CPSF4: variants seen among roughly 807,000 people sequenced by gnomAD.
CPSF4 encodes cleavage and polyadenylation specificity factor subunit 4.
A neutral mutation model predicts 37.7 loss-of-function variants in CPSF4; 11 were observed. The observed-to-expected ratio is 0.29, with a 90% confidence interval of 0.18 to 0.48. The LOEUF (loss-of-function observed/expected upper bound fraction) is 0.48, where lower values mean the gene tolerates loss of function less well. Among genes scored for constraint, CPSF4 ranks in the 20% least tolerant of loss-of-function variants. The probability of loss-of-function intolerance (pLI) is 0.99; values close to 1 mark genes in which losing one functional copy is unlikely to be tolerated. For missense variants in CPSF4, 144 were observed against 359.5 expected (o/e 0.40, Z 4.85); for synonymous variants, 132 against 135.9 (o/e 0.97, Z 0.20).
At chr7:99,440,182 ATCAC>A (rs1562852145) in intron 1 of CPSF4, among the ~76,000 whole-genome samples, 1 of 152,164 alleles carries the variant, frequency 6.6e-6, no homozygotes, top group African/African-American at 2.4e-5. Flanking sequence ...CTTGCTGACA[ATCAC>A]TCAGTGCATA....
Position 99,450,731 on chromosome 7 carries a change from A to C in CPSF4, c.433A>C (p.Arg145=). The C allele has an allele frequency of 1.2e-6, 2 of 1,614,160 alleles. No homozygotes were observed. Among genetic ancestry groups the C allele is most frequent in the East Asian group, 2.2e-5 (1 of 44,888 alleles). Residue 145 remains arginine, a synonymous_variant, in exon 5 of 8, where the codon AGA becomes CGA. Transcript: ENST00000292476. The stretch of plus-strand genomic sequence containing the variant: ...CCTCTGCAGGCACCGGCACACACGG[A>C]GAGTCATCTGTGTGAATTACCTCGT... ...GPLCRHRHTR[R]VICVNYLVGF...
At chr7:99,450,822 ACCCCAGCT>A in intron 5 of CPSF4, 27 bp downstream of exon 5, 1 of 1,554,638 alleles carries the variant, frequency 6.4e-7, no homozygotes. Flanking sequence ...TCCGCCCTCT[ACCCCAGCT>A]CCCGGCCCAG....
chr7:99,449,999 C>T (rs914168110), intron 3 of CPSF4, among the ~76,000 whole-genome samples: 16 of 152,094 alleles, frequency 1.1e-4, no homozygotes, highest in Admixed American at 5.2e-4. Flanking sequence ...CCCTGGGGTC[C>T]GCTGCTTTGG....
At chr7:99,452,016 G>A (rs766711329) in intron 5 of CPSF4, among the ~76,000 whole-genome samples, 95 of 152,336 alleles carry the variant, frequency 6.2e-4, no homozygotes, top group South Asian at 2.5e-3. Flanking sequence ...ACCCTGCGGG[G>A]AGGGGGGCTT....
rs56845845 is a variant in CPSF4, at chr7:99,445,023, G to A, written c.154+184G>A. Among the ~76,000 whole-genome samples, 491 of 152,302 alleles carry A rather than the reference G, an allele frequency of 3.2e-3. 3 individuals are homozygous for A. The highest frequency in any genetic ancestry group is 0.011 in the African/African-American group (449 of 41,562). On this transcript the variant is annotated intron_variant, in intron 2 of 7. Coordinates refer to ENST00000292476, the MANE Select transcript of CPSF4 (RefSeq NM_006693.4). ...GGGGTGTTCCACCTGAAACCTAAAC[G>A]CAGGACTGAACCTGGCTCTAAGGCT...
intron 1 of CPSF4, chr7:99,443,484 T>G (rs1018868182): frequency 1.2e-6 from 1 of 850,776 alleles, no homozygotes; most frequent in African/African-American, 1.6e-5. Flanking sequence ...AGCTCCACCA[T>G]CTCAGTTACC....
chr7:99,442,825 C>T (rs899278407), intron 1 of CPSF4: 2 of 899,396 alleles, frequency 2.2e-6, no homozygotes, highest in Non-Finnish European at 3.7e-6. Context: ...TATATGTGAC[C>T]AAGAAGAATG....
In CPSF4 at chr7:99,441,703, T is replaced by C. The variant is rs543502247; in HGVS notation, c.103+2518T>C. Among the ~76,000 whole-genome samples the C allele has an allele frequency of 5.9e-5, 9 of 152,156 alleles. No individual in the cohort carries two copies. The East Asian group carries it at 1.7e-3, about 29-fold the overall frequency. ...AGTACTTTCAGAATTTTTTTTTTCT[T>C]TTTTTTTGAGACAGAGTCTTGCTCT... On this transcript the variant is annotated intron_variant, in intron 1 of 7. Coordinates refer to ENST00000292476, the MANE Select transcript of CPSF4 (RefSeq NM_006693.4).
rs894711907 is a variant in CPSF4, at chr7:99,453,866, C to T, written c.571-100C>T. ...CCGTCGTGGAAGCCCTGCTTCCTGCCGTTTGCGGGACGAGTCCCGCCCTCT... is the reference window on the plus strand; with the variant it reads ...CCGTCGTGGAAGCCCTGCTTCCTGCTGTTTGCGGGACGAGTCCCGCCCTCT... On this transcript the variant is annotated intron_variant, in intron 6 of 7. Coordinates refer to ENST00000292476, the MANE Select transcript of CPSF4 (RefSeq NM_006693.4). The surrounding 1 kb of genome is among the most constrained non-coding windows in gnomAD (Gnocchi z 4.7). 3.0e-5 allele frequency: 34 copies of T among 1,141,802 alleles called. No individual in the cohort carries two copies. The highest frequency in any genetic ancestry group is 2.0e-4 in the African/African-American group (13 of 64,718). The allele number at this position is 1,141,802 out of a possible 1,614,324, so 70.7% of individuals were successfully genotyped here.
rs953764408 is a variant in CPSF4, at chr7:99,448,304, T to G, written c.307+31T>G. 1.2e-6 allele frequency: 2 copies of G among 1,612,364 alleles called. No individual in the cohort carries two copies. The highest frequency in any genetic ancestry group is 1.3e-5 in the African/African-American group (1 of 74,910). ...GCGCCTGGAGCCCTGGAGGCTCTGC[T>G]GAGAACCAGGGTGCAGAGGGGTCCG... On this transcript the variant is annotated intron_variant, in intron 3 of 7. Transcript: ENST00000292476. This position sits in a 1 kb window ranked among gnomAD's most constrained non-coding sequence, Gnocchi z 4.4.
chr7:99,442,423 G>A (rs541054070), intron 1 of CPSF4, among the ~76,000 whole-genome samples: 10 of 152,028 alleles, frequency 6.6e-5, no homozygotes, highest in African/African-American at 1.7e-4. Flanking sequence ...TTGGGAGGCC[G>A]AGGCGGGCGG....
intron 7 of CPSF4, among the ~76,000 whole-genome samples, chr7:99,456,132 A>G (rs1282790514): frequency 1.3e-5 from 2 of 152,224 alleles, no homozygotes; most frequent in Non-Finnish European, 2.9e-5. Flanking sequence ...CCATGTGTCC[A>G]GGTGGGAGAG....
In CPSF4 at chr7:99,456,661, T is replaced by C. The variant is rs1228172824; in HGVS notation, c.*161T>C. ...CCACGTCTGTTAGTTTCCTATCATT[T>C]TGCCTTAGTATTTTTTGAAAAAGGG... On this transcript the variant is annotated 3_prime_UTR_variant, in exon 8 of 8. Transcript: ENST00000292476. The C allele has an allele frequency of 1.4e-6, 1 of 707,424 alleles. No homozygotes were observed. Among genetic ancestry groups the C allele is most frequent in the East Asian group, 2.7e-5 (1 of 37,168 alleles). 43.8% of individuals were successfully genotyped at this position (707,424 alleles called of 1,614,324 possible).
At chr7:99,439,351 AGTCCCT>A (rs1257571824) in intron 1 of CPSF4, 166 bp downstream of exon 1, 1 of 540,044 alleles carries the variant, frequency 1.9e-6, no homozygotes, top group Non-Finnish European at 3.2e-6. Context: ...AGGTCTTGAG[AGTCCCT>A]CCCACCTCCT....
intron 2 of CPSF4, among the ~76,000 whole-genome samples, chr7:99,446,360 C>CA (rs1423465206): frequency 6.6e-6 from 1 of 152,196 alleles, no homozygotes; most frequent in Non-Finnish European, 1.5e-5. Flanking sequence ...ACAAAATTCT[C>CA]AGACACACTA....
At position 99,452,582 on chromosome 7, in the gene CPSF4, A is replaced by T. The variant is rs568320707; in HGVS notation, c.570+142A>T. The T allele has an allele frequency of 8.5e-4, 618 of 728,556 alleles. 2 individuals are homozygous for T. Among genetic ancestry groups the T allele is most frequent in the Non-Finnish European group, 1.3e-3 (546 of 425,462 alleles). The allele number at this position is 728,556 out of a possible 1,614,324, so 45.1% of individuals were successfully genotyped here. A position where few individuals can be genotyped will look rare whatever the true frequency, so the allele number is the denominator to read the frequency against. ...GGAGTCTCCCAAGTTCCCGAAGAAA[A>T]GTCAGGAGCAAAGCCGTGTATATCT... On this transcript the variant is annotated intron_variant, in intron 6 of 7. Transcript: ENST00000292476.
In CPSF4 at chr7:99,452,533, C is replaced by T. The variant is rs549449714; in HGVS notation, c.570+93C>T. 36 of 1,146,880 alleles carry T rather than the reference C, an allele frequency of 3.1e-5. No homozygotes were observed. The Middle Eastern group carries it at 6.4e-4, about 20-fold the overall frequency. 71.0% of individuals were successfully genotyped at this position (1,146,880 alleles called of 1,614,324 possible). On this transcript the variant is annotated intron_variant, in intron 6 of 7. Coordinates refer to ENST00000292476, the MANE Select transcript of CPSF4 (RefSeq NM_006693.4). ...CAGGGGTGTGGTCTGCCTTAGACCC[C>T]GCTGGACAACTTGGGAGAGGAGGGG...
intron 1 of CPSF4, chr7:99,441,510 G>A: frequency 2.2e-6 from 1 of 456,202 alleles, no homozygotes; most frequent in Non-Finnish European, 4.4e-6. Context: ...AGCCTAGTGA[G>A]GCCACAGCCC....
intron 1 of CPSF4, among the ~76,000 whole-genome samples, chr7:99,440,674 A>ATATATATATATATTTTTT: frequency 1.1e-5 from 1 of 88,086 alleles, no homozygotes; most frequent in African/African-American, 9.7e-5. Flanking sequence ...ATATATATAT[A>ATATATATATATATTTTTT]TTTTTTTTTT....
Sources: gnomAD v4.1 joint callset for allele counts (sites outside exome capture counted in the v4.1 genomes callset) on GRCh38, gnomAD v4.1.1 for gene constraint, Gnocchi (gnomAD v3.1) non-coding constraint, MANE v1.5 for transcripts, NCBI Gene and HGNC (gene_info 2026-07-23, HGNC 2026-07-21) for gene names.